ASB4: variants seen among roughly 807,000 people sequenced by gnomAD.
ASB4 encodes the protein ankyrin repeat and SOCS box protein 4.
A neutral mutation model predicts 38.6 loss-of-function variants in ASB4; 35 were observed. That is an observed-to-expected ratio of 0.91 (90% CI 0.69 to 1.20). The LOEUF is 1.20. ASB4 is among the 50% of genes most tolerant of loss of function. The pLI, the probability that ASB4 is intolerant of heterozygous loss-of-function variation, is 0.00. For missense variants in ASB4, 557 were observed against 527.2 expected (o/e 1.06, Z -0.55); for synonymous variants, 195 against 201.3 (o/e 0.97, Z 0.26).
chr7:95,515,274 T>C (rs1229467741), intron 2 of ASB4, among the ~76,000 whole-genome samples: 19 of 85,212 alleles, frequency 2.2e-4, no homozygotes, highest in Admixed American at 9.0e-4. Flanking sequence ...TTTCTCTTTC[T>C]TTCTTTCTTT....
intron 1 of ASB4, 86 bp from the exon 2 acceptor site, chr7:95,495,672 A>G: frequency 7.3e-7 from 1 of 1,374,012 alleles, no homozygotes; most frequent in East Asian, 2.3e-5. Context: ...GCCAAAATAA[A>G]ATACTTGTAA....
rs1041782992 is a variant in ASB4, at chr7:95,515,390, T to C, written c.488-12423T>C. 2.3e-4 allele frequency among the ~76,000 whole-genome samples: 33 copies of C among 146,624 alleles called. 1 individual carries two copies. The highest frequency in any genetic ancestry group is 3.5e-4 in the Admixed American group (5 of 14,336). On this transcript the variant is annotated intron_variant, in intron 2 of 4. Coordinates refer to ENST00000325885, the MANE Select transcript of ASB4 (RefSeq NM_016116.3). ...TTTCTTTCTTTCTTTTCTTTTCTTT[T>C]TTTTCTTTTCTTTTCTTTTTCCTTT...
intron 3 of ASB4, chr7:95,528,772 G>A (rs553570348): frequency 4.8e-5 from 39 of 815,352 alleles, no homozygotes; most frequent in Non-Finnish European, 5.4e-5. Context: ...TATTTATTAT[G>A]TATAATAAAT....
the ASB4 span, among the ~76,000 whole-genome samples, chr7:95,549,159 G>A: frequency 3.3e-5 from 5 of 152,068 alleles, no homozygotes; most frequent in Non-Finnish European, 5.9e-5. Flanking sequence ...AGAGAGTTAC[G>A]GGAGGATGGG....
At chr7:95,489,162 T>C (rs1790135493) in intron 1 of ASB4, among the ~76,000 whole-genome samples, 1 of 152,198 alleles carries the variant, frequency 6.6e-6, no homozygotes, top group Non-Finnish European at 1.5e-5. Context: ...GGCAAATAAA[T>C]CACCTAAAAT....
intron 2 of ASB4, among the ~76,000 whole-genome samples, chr7:95,498,691 A>C (rs1790286673): frequency 6.6e-6 from 1 of 152,310 alleles, no homozygotes; most frequent in East Asian, 1.9e-4. Context: ...AGAAGTATTT[A>C]GTTCTGATAA....
upstream of ASB4, among the ~76,000 whole-genome samples, chr7:95,483,995 C>G (rs1481947143): frequency 7.3e-6 from 1 of 136,712 alleles, no homozygotes; most frequent in South Asian, 2.3e-4. Flanking sequence ...TTAAAATCTT[C>G]AAAAATTGTA....
intron 2 of ASB4, among the ~76,000 whole-genome samples, chr7:95,509,849 A>T (rs1790456679): frequency 6.6e-6 from 1 of 152,160 alleles, no homozygotes; most frequent in Non-Finnish European, 1.5e-5. Flanking sequence ...AAAAATGAGG[A>T]ATCGGAGACT....
At chr7:95,520,453 G>T (rs1387220552) in intron 2 of ASB4, among the ~76,000 whole-genome samples, 1 of 152,138 alleles carries the variant, frequency 6.6e-6, no homozygotes, top group Non-Finnish European at 1.5e-5. Flanking sequence ...CTCATAGAAG[G>T]CTTGGCTAAA....
upstream of ASB4, among the ~76,000 whole-genome samples, chr7:95,485,077 T>C (rs144489049): frequency 8.9e-4 from 134 of 151,328 alleles, 1 homozygote; most frequent in African/African-American, 3.1e-3. Flanking sequence ...TATATACACA[T>C]ACACACACAT....
chr7:95,508,004 G>A (rs558306278), intron 2 of ASB4, among the ~76,000 whole-genome samples: 131 of 152,252 alleles, frequency 8.6e-4, no homozygotes, highest in African/African-American at 3.0e-3. Context: ...GCCTTTTAAG[G>A]AGTATTTGTG....
chr7:95,538,474 T>A lies in ASB4; in HGVS notation c.*715T>A, dbSNP rs1470686078. The A allele has an allele frequency of 6.6e-6, 1 of 152,196 alleles. No homozygotes were observed. Among genetic ancestry groups the A allele is most frequent in the Non-Finnish European group, 1.5e-5 (1 of 68,048 alleles). The allele number at this position is 152,196 out of a possible 1,614,324, so 9.4% of individuals were successfully genotyped here. ...CACCATTTAGCAGAGGATCCAGACA[T>A]ACACACAGCTAACTGCAATATAAAG... On this transcript the variant is annotated 3_prime_UTR_variant, in exon 5 of 5. Transcript: ENST00000325885.
the ASB4 span, among the ~76,000 whole-genome samples, chr7:95,546,233 C>A: frequency 6.6e-6 from 1 of 152,086 alleles, no homozygotes; most frequent in East Asian, 1.9e-4. Context: ...CTGCACATTC[C>A]ACAAATGGTT....
rs1332468839 is a variant in ASB4 at position 95,521,113 on chromosome 7, CT to C, written c.488-6697del. Reference sequence around the variant, plus strand: ...CTTTCTATTTATGAACATAGTAAAACTTTCCATTTATTGAGTCTTTTGCCTT... The same window carrying C: ...CTTTCTATTTATGAACATAGTAAAACTTCCATTTATTGAGTCTTTTGCCTT... On this transcript the variant is annotated intron_variant, in intron 2 of 4. Transcript: ENST00000325885. Among the ~76,000 whole-genome samples the C allele has an allele frequency of 3.9e-5, 6 of 152,222 alleles. No homozygotes were observed. In the East Asian group the frequency reaches 9.6e-4, roughly 24 times the overall value.
chr7:95,485,926 T>C (rs762672350), upstream of ASB4: 1 of 1,578,548 alleles, frequency 6.3e-7, no homozygotes, highest in Non-Finnish European at 8.7e-7. Context: ...TGCTCGGTGC[T>C]GTTCTCTCGA....
At chr7:95,529,968 G>A (rs1057414648) in intron 3 of ASB4, among the ~76,000 whole-genome samples, 2 of 152,030 alleles carry the variant, frequency 1.3e-5, no homozygotes, top group East Asian at 3.9e-4. Flanking sequence ...GTCAGGTACT[G>A]TTCTATTTGC....
Position 95,527,876 on chromosome 7 carries a change from A to G in ASB4, c.551A>G (p.His184Arg), listed in dbSNP as rs755060721. 8 of 1,613,792 alleles carry G rather than the reference A, an allele frequency of 5.0e-6. No homozygotes were observed. The highest frequency in any genetic ancestry group is 6.8e-6 in the Non-Finnish European group (8 of 1,179,880). ...DEETPLHTAAHFGLSELVAFY... is the reference protein window; with the variant it reads ...DEETPLHTAARFGLSELVAFY... ...GAGACGCCCTTGCACACGGCTGCCC[A>G]CTTCGGCCTTTCGGAGCTGGTGGCC... Residue 184 changes from histidine (H) to arginine (R), a missense_variant, in exon 3 of 5, where the codon CAC (histidine) becomes CGC (arginine). Coordinates refer to ENST00000325885, the MANE Select transcript of ASB4 (RefSeq NM_016116.3).
intron 2 of ASB4, among the ~76,000 whole-genome samples, chr7:95,503,655 C>T (rs1790370417): frequency 6.6e-6 from 1 of 152,180 alleles, no homozygotes; most frequent in Non-Finnish European, 1.5e-5. Context: ...AAATACATCA[C>T]TTTGTAGCTG....
chr7:95,501,654 C>T (rs1471718415), intron 2 of ASB4, among the ~76,000 whole-genome samples: 1 of 152,142 alleles, frequency 6.6e-6, no homozygotes, highest in African/African-American at 2.4e-5. Flanking sequence ...ACATTGTGGC[C>T]TTTTCATGTG....
Sources: gnomAD v4.1 joint callset for allele counts (sites outside exome capture counted in the v4.1 genomes callset) on GRCh38, gnomAD v4.1.1 for gene constraint, MANE v1.5 for transcripts, NCBI Gene and HGNC (gene_info 2026-07-23, HGNC 2026-07-21) for gene names.